PON3: variants seen among roughly 807,000 people sequenced by gnomAD.
PON3 encodes serum paraoxonase/lactonase 3.
PON3 carries 37 observed loss-of-function variants against 36.3 expected under a neutral mutation model. That is an observed-to-expected ratio of 1.02 (90% CI 0.78 to 1.34). The LOEUF is 1.34. Ranked by LOEUF, PON3 falls within the 40% of genes most tolerant of loss-of-function variation. The pLI is 0.00. For missense variants in PON3, 415 were observed against 426.5 expected, an observed-to-expected ratio of 0.97 and a Z score of 0.24; for synonymous variants, 155 against 154.8, an observed-to-expected ratio of 1.00 and a Z score of -0.01.
rs929579325 is a variant in PON3, at chr7:95,360,030, G to GTACACAGAAGCCACAGAGGTGC, written c.986_1007dup (p.Tyr336Ter). ...CGGTGCCTATGAGAATTTTCCCATGGTACACAGAAGCCACAGAGGTGCCCT... is the reference window on the plus strand; with the variant it reads ...CGGTGCCTATGAGAATTTTCCCATGGTACACAGAAGCCACAGAGGTGCTACACAGAAGCCACAGAGGTGCCCT... On this transcript the variant is annotated stop_gained and frameshift_variant, in exon 9 of 9. Coordinates refer to ENST00000265627, the MANE Select transcript of PON3 (RefSeq NM_000940.3). LOFTEE classifies it high-confidence loss of function. The GTACACAGAAGCCACAGAGGTGC allele has an allele frequency of 1.2e-6, 2 of 1,612,688 alleles. No homozygotes were observed. The highest frequency in any genetic ancestry group is 2.7e-5 in the African/African-American group (2 of 74,458).
intron 4 of PON3, among the ~76,000 whole-genome samples, chr7:95,371,766 C>G (rs537972265): frequency 1.3e-5 from 2 of 152,080 alleles, no homozygotes; most frequent in African/African-American, 4.8e-5. Context: ...TTGATGGTGT[C>G]TTTTGAAGCA....
chr7:95,376,292 T>C (rs1321016714), intron 3 of PON3, among the ~76,000 whole-genome samples: 2 of 152,184 alleles, frequency 1.3e-5, no homozygotes, highest in Admixed American at 1.3e-4. Context: ...AAGAGAAGCA[T>C]GTCAAGTCCC....
intron 3 of PON3, among the ~76,000 whole-genome samples, chr7:95,376,720 A>G (rs1288684992): frequency 2.0e-5 from 3 of 152,232 alleles, no homozygotes; most frequent in Non-Finnish European, 4.4e-5. Context: ...TAGTTATAGA[A>G]TCATCACTTT....
chr7:95,393,526 C>A (rs1809364845), intron 2 of PON3, among the ~76,000 whole-genome samples: 2 of 152,174 alleles, frequency 1.3e-5, no homozygotes, highest in African/African-American at 4.8e-5. Flanking sequence ...TTAGCAATGT[C>A]AGGAAGAATT....
chr7:95,393,603 G>A (rs951467653), intron 2 of PON3, among the ~76,000 whole-genome samples: 4 of 152,168 alleles, frequency 2.6e-5, no homozygotes, highest in South Asian at 2.1e-4. Flanking sequence ...CATGTCTCAC[G>A]TAGAAGCATG....
intron 3 of PON3, among the ~76,000 whole-genome samples, chr7:95,384,880 G>A (rs1393185369): frequency 1.3e-5 from 2 of 152,134 alleles, no homozygotes; most frequent in Admixed American, 6.5e-5. Flanking sequence ...TATAAATCCT[G>A]CTGCTATAAA....
rs1035855976 is a variant in PON3, at chr7:95,396,172, G to A, written c.74+105C>T. ...TGAGATGGAGGAGTGAGGTTCCAAAGCTGCTCTTTCCTACCCGCTAGGAAG... is the reference window on the plus strand; with the variant it reads ...TGAGATGGAGGAGTGAGGTTCCAAAACTGCTCTTTCCTACCCGCTAGGAAG... On this transcript the variant is annotated intron_variant, in intron 1 of 8. Coordinates refer to ENST00000265627, the MANE Select transcript of PON3 (RefSeq NM_000940.3). The A allele has an allele frequency of 1.4e-5, 18 of 1,243,586 alleles. 1 individual carries two copies. In the Middle Eastern group the frequency reaches 1.1e-3, roughly 78 times the overall value. The allele number at this position is 1,243,586 out of a possible 1,614,324, so 77.0% of individuals were successfully genotyped here.
intron 4 of PON3, among the ~76,000 whole-genome samples, chr7:95,369,388 T>C (rs1160197870): frequency 1.3e-5 from 2 of 152,142 alleles, no homozygotes; most frequent in Non-Finnish European, 2.9e-5. Flanking sequence ...GTGTCATTCA[T>C]TTGAAGAGTA....
intron 3 of PON3, 103 bp from the exon 4 acceptor site, chr7:95,372,441 A>G (rs1808829630): frequency 3.8e-6 from 5 of 1,321,686 alleles, no homozygotes; most frequent in Non-Finnish European, 5.3e-6. Flanking sequence ...TCAAAGTTCT[A>G]AATTTCATTT....
At chr7:95,392,065 T>G (rs1222997994) in intron 2 of PON3, among the ~76,000 whole-genome samples, 2 of 152,226 alleles carry the variant, frequency 1.3e-5, no homozygotes, top group Non-Finnish European at 2.9e-5. Context: ...GATAGCAGCA[T>G]CCACTTTACA....
rs774766276 is a variant in PON3 at position 95,367,415 on chromosome 7, T to C, written c.441A>G (p.Glu147=). ...TCAGGTATACCAGAGAACGTTGTTG[T>C]TCCTCAAATTTAAATATCTCCACAG... The part of the protein sequence containing the change: ...KSTVEIFKFE[E]QQRSLVYLKT... The change falls in exon 5 of 9, where the codon GAA becomes GAG. Residue 147 remains glutamate, a synonymous_variant. Coordinates refer to ENST00000265627, the MANE Select transcript of PON3 (RefSeq NM_000940.3). 1 of 1,613,174 alleles carries C rather than the reference T, an allele frequency of 6.2e-7. No homozygotes were observed. Among genetic ancestry groups the C allele is most frequent in the Non-Finnish European group, 8.5e-7 (1 of 1,179,306 alleles).
In PON3 at chr7:95,396,354, C is replaced by T. The variant is rs753641778; in HGVS notation, c.-4G>A. Reference sequence around the variant, plus strand: ...CCAGCGCCACGAGCTTCCCCATGGTCTCGGGGTGCCCAGCGGCGACTGCGC... The same window carrying T: ...CCAGCGCCACGAGCTTCCCCATGGTTTCGGGGTGCCCAGCGGCGACTGCGC... On this transcript the variant is annotated 5_prime_UTR_variant, in exon 1 of 9. Coordinates refer to ENST00000265627, the MANE Select transcript of PON3 (RefSeq NM_000940.3). 1.7e-5 allele frequency: 27 copies of T among 1,613,774 alleles called. No individual in the cohort carries two copies. The Admixed American group carries it at 4.5e-4, about 27-fold the overall frequency.
In PON3 at chr7:95,362,406, T is replaced by C. The variant is rs766721171; in HGVS notation, c.862A>G (p.Met288Val). The change falls in exon 8 of 9, where the codon ATG becomes GTG. Residue 288 changes from methionine (M) to valine (V), a missense_variant. Met to Val is a conservative substitution (Grantham distance 21). Coordinates refer to ENST00000265627, the MANE Select transcript of PON3 (RefSeq NM_000940.3). The part of the protein sequence containing the change: ...DILAGCHPNP[M>V]KLLNYNPEDP... ...TCAGGGTTATAGTTCAGTAGCTTCATAGGATTAGGATGGCATCCTGCCAAA... is the reference window on the plus strand; with the variant it reads ...TCAGGGTTATAGTTCAGTAGCTTCACAGGATTAGGATGGCATCCTGCCAAA... The C allele has an allele frequency of 1.1e-5, 18 of 1,613,638 alleles. No homozygotes were observed. In the South Asian group the frequency reaches 1.2e-4, roughly 11 times the overall value.
At chr7:95,365,117 A>G (rs551334953) in intron 5 of PON3, 2 of 152,264 alleles carry the variant, frequency 1.3e-5, no homozygotes, top group African/African-American at 4.8e-5. Flanking sequence ...AAACTGCCTC[A>G]CAATTTGTTT....
chr7:95,379,693 C>A (rs1429716462), intron 3 of PON3, among the ~76,000 whole-genome samples: 5 of 152,196 alleles, frequency 3.3e-5, no homozygotes. Flanking sequence ...AGTAGGTAAA[C>A]AAAGTGGTCA....
At chr7:95,378,109 A>T (rs1808961512) in intron 3 of PON3, among the ~76,000 whole-genome samples, 1 of 152,212 alleles carries the variant, frequency 6.6e-6, no homozygotes, top group Non-Finnish European at 1.5e-5. Context: ...TTCCTCATGC[A>T]TGCACAAGCT....
chr7:95,361,937 T>C (rs1808576904), intron 8 of PON3, among the ~76,000 whole-genome samples: 2 of 152,288 alleles, frequency 1.3e-5, no homozygotes, highest in Admixed American at 6.5e-5. Context: ...TGTTAGAACT[T>C]ACAGGCAAAA....
chr7:95,393,955 G>A (rs112233802), intron 2 of PON3, among the ~76,000 whole-genome samples: 2,920 of 152,136 alleles, frequency 0.019, 45 homozygotes, highest in Middle Eastern at 0.034. Flanking sequence ...GTACAGTGGC[G>A]CGATCTCAGC....
At chr7:95,387,329 C>T (rs909938806) in intron 3 of PON3, among the ~76,000 whole-genome samples, 132 of 152,068 alleles carry the variant, frequency 8.7e-4, no homozygotes, top group Non-Finnish European at 1.9e-4. Flanking sequence ...ACAAGCATTC[C>T]TATACACCAA....
Sources: gnomAD v4.1 joint callset for allele counts (sites outside exome capture counted in the v4.1 genomes callset) on GRCh38, gnomAD v4.1.1 for gene constraint, MANE v1.5 for transcripts, NCBI Gene and HGNC (gene_info 2026-07-23, HGNC 2026-07-21) for gene names.